The following NPAS3 variants were observed in gnomAD, a reference collection of about 807,000 sequenced individuals.
NPAS3 encodes neuronal PAS domain-containing protein 3.
In NPAS3, 14 loss-of-function variants were observed where a neutral mutation model predicts 73.1. That is an observed-to-expected ratio of 0.19 (90% CI 0.13 to 0.30). The LOEUF is 0.30. Ranked by LOEUF, NPAS3 falls within the 10% of genes least tolerant of loss-of-function variation. The probability of loss-of-function intolerance (pLI) is 1.00; values close to 1 mark genes in which losing one functional copy is unlikely to be tolerated. For missense variants in NPAS3, 1,096 were observed against 1,250.0 expected, an observed-to-expected ratio of 0.88 and a Z score of 1.86; for synonymous variants, 620 against 541.5, an observed-to-expected ratio of 1.14 and a Z score of -2.01.
chr14:32,943,845 C>T (rs567148887), intron 1 of NPAS3, among the ~76,000 whole-genome samples: 23 of 152,136 alleles, frequency 1.5e-4, no homozygotes, highest in African/African-American at 5.3e-4. Context: ...CATGCCAATA[C>T]GCCCAGCTAA....
chr14:33,587,101 C>T (rs1358974126), intron 5 of NPAS3, among the ~76,000 whole-genome samples: 1 of 152,100 alleles, frequency 6.6e-6, no homozygotes, highest in African/African-American at 2.4e-5. Context: ...TCTGTATTTC[C>T]CCTACATATA....
chr14:33,337,706 A>G (rs1032457361), intron 3 of NPAS3, among the ~76,000 whole-genome samples: 1 of 152,088 alleles, frequency 6.6e-6, no homozygotes, highest in Admixed American at 6.6e-5. Flanking sequence ...GAGTCTCTCA[A>G]CCTGTGAACA....
intron 2 of NPAS3, among the ~76,000 whole-genome samples, chr14:33,090,027 C>T (rs897242173): frequency 2.6e-5 from 4 of 152,204 alleles, no homozygotes; most frequent in Admixed American, 2.6e-4. Context: ...ACAACCACTA[C>T]TAACCACTGC....
chr14:33,466,891 A>G (rs569358502), intron 4 of NPAS3, among the ~76,000 whole-genome samples: 1 of 152,306 alleles, frequency 6.6e-6, no homozygotes, highest in African/African-American at 2.4e-5. Flanking sequence ...ACTGGGGATT[A>G]CAATCAGACA....
chr14:33,046,408 G>A (rs2040506899), intron 1 of NPAS3, among the ~76,000 whole-genome samples: 1 of 152,212 alleles, frequency 6.6e-6, no homozygotes, highest in Admixed American at 6.5e-5. Flanking sequence ...TGACAGAGGT[G>A]TGACTGATGG....
At chr14:33,456,128 T>A (rs2050011663) in intron 4 of NPAS3, among the ~76,000 whole-genome samples, 1 of 152,192 alleles carries the variant, frequency 6.6e-6, no homozygotes, top group Non-Finnish European at 1.5e-5. Flanking sequence ...TTTAGGAAGG[T>A]TAAATCTGTG....
chr14:33,260,110 C>T (rs1191550036), intron 3 of NPAS3, among the ~76,000 whole-genome samples: 2 of 152,140 alleles, frequency 1.3e-5, no homozygotes, highest in Non-Finnish European at 2.9e-5. Context: ...AAGTTTTTCC[C>T]AATGGCTAAT....
At chr14:33,492,795 C>A (rs2051967350) in intron 4 of NPAS3, among the ~76,000 whole-genome samples, 1 of 152,138 alleles carries the variant, frequency 6.6e-6, no homozygotes, top group South Asian at 2.1e-4. Context: ...TTTGATAATT[C>A]TATCACCAAT....
intron 3 of NPAS3, among the ~76,000 whole-genome samples, chr14:33,222,559 G>C (rs1490721003): frequency 6.6e-6 from 1 of 152,114 alleles, no homozygotes. Flanking sequence ...ACATTATTCT[G>C]TTGGTTTGTT....
At chr14:32,990,793 A>G (rs114473551) in intron 1 of NPAS3, among the ~76,000 whole-genome samples, 2,146 of 152,050 alleles carry the variant, frequency 0.014, 23 homozygotes, top group African/African-American at 0.032. Flanking sequence ...CAGGCATGGT[A>G]GCGCACGCCG....
chr14:33,526,057 G>T (rs1380686706), intron 4 of NPAS3, among the ~76,000 whole-genome samples: 1 of 152,102 alleles, frequency 6.6e-6, no homozygotes, highest in Admixed American at 6.6e-5. Context: ...TAAAAGGAGT[G>T]AAATAATCAT....
chr14:33,451,636 G>A (rs942199178), intron 4 of NPAS3, among the ~76,000 whole-genome samples: 28 of 151,980 alleles, frequency 1.8e-4, no homozygotes, highest in Non-Finnish European at 3.8e-4. Flanking sequence ...ATGACAATAC[G>A]GTTCATTGTT....
intron 3 of NPAS3, among the ~76,000 whole-genome samples, chr14:33,358,517 G>A (rs1481103393): frequency 2.0e-5 from 3 of 152,104 alleles, no homozygotes; most frequent in Non-Finnish European, 4.4e-5. Flanking sequence ...CCATGATAGT[G>A]CACTGTTCAC....
At chr14:33,693,355 C>T (rs1374134221) in intron 6 of NPAS3, among the ~76,000 whole-genome samples, 1 of 152,178 alleles carries the variant, frequency 6.6e-6, no homozygotes, top group African/African-American at 2.4e-5. Context: ...CAGTTGCATG[C>T]CTACCTAGAC....
At chr14:33,620,552 CAAAG>C (rs2058049682) in intron 5 of NPAS3, among the ~76,000 whole-genome samples, 1 of 152,046 alleles carries the variant, frequency 6.6e-6, no homozygotes, top group Admixed American at 6.6e-5. Flanking sequence ...AGACTGATCT[CAAAG>C]AAATGGCAAA....
intron 1 of NPAS3, among the ~76,000 whole-genome samples, chr14:32,940,110 A>C (rs2035925718): frequency 6.6e-6 from 1 of 152,258 alleles, no homozygotes; most frequent in Non-Finnish European, 1.5e-5. Context: ...CCAAATAAGC[A>C]AACAAACAGC....
At chr14:33,701,187 A>T (rs925185741) in intron 6 of NPAS3, among the ~76,000 whole-genome samples, 2 of 152,224 alleles carry the variant, frequency 1.3e-5, no homozygotes, top group Non-Finnish European at 2.9e-5. Flanking sequence ...GTATTTTCAA[A>T]TACATGCTCA....
chr14:33,620,269 A>G (rs1204614547), intron 5 of NPAS3, among the ~76,000 whole-genome samples: 1 of 152,220 alleles, frequency 6.6e-6, no homozygotes, highest in East Asian at 1.9e-4. Flanking sequence ...GATTCATGAA[A>G]CTATAGACAA....
intron 3 of NPAS3, among the ~76,000 whole-genome samples, chr14:33,273,726 T>A (rs773709821): frequency 2.6e-5 from 4 of 152,160 alleles, no homozygotes; most frequent in Non-Finnish European, 4.4e-5. Flanking sequence ...AATCTCTGGA[T>A]AAACAATTCT....
Sources: gnomAD v4.1 joint callset for allele counts (sites outside exome capture counted in the v4.1 genomes callset) on GRCh38, gnomAD v4.1.1 for gene constraint, MANE v1.5 for transcripts, NCBI Gene and HGNC (gene_info 2026-07-23, HGNC 2026-07-21) for gene names.